The following CLVS1 variants were observed in gnomAD, a reference collection of about 807,000 sequenced individuals.
CLVS1 encodes the protein clavesin 1.
In CLVS1, 10 loss-of-function variants were observed where a neutral mutation model predicts 33.1. The observed-to-expected ratio is 0.30, with a 90% CI of 0.19 to 0.51. The LOEUF (loss-of-function observed/expected upper bound fraction) is 0.51. CLVS1 is among the 20% of genes least tolerant of loss of function. CLVS1 has a pLI of 0.97. For synonymous variants in CLVS1, 163 were observed against 166.1 expected, an observed-to-expected ratio of 0.98 and a Z score of 0.14; for missense variants, 343 against 433.4, an observed-to-expected ratio of 0.79 and a Z score of 1.85.
intron 3 of CLVS1, among the ~76,000 whole-genome samples, chr8:61,381,049 T>C (rs1992332): frequency 1.2e-4 from 18 of 151,916 alleles, no homozygotes; most frequent in Non-Finnish European, 2.5e-4. Context: ...TCCAGAAAGC[T>C]ATCTATTTTT....
At chr8:61,317,087 T>C (rs1213450577) in intron 2 of CLVS1, among the ~76,000 whole-genome samples, 2 of 152,204 alleles carry the variant, frequency 1.3e-5, no homozygotes, top group Admixed American at 6.5e-5. Flanking sequence ...TTCACTTGTG[T>C]GCTACTATAA....
At chr8:61,020,113 C>G in the CLVS1 span, among the ~76,000 whole-genome samples, 1 of 152,178 alleles carries the variant, frequency 6.6e-6, no homozygotes, top group Non-Finnish European at 1.5e-5. Flanking sequence ...AATGAAGGAC[C>G]ATAAATGGTG....
chr8:61,395,910 C>T (rs1263599217), intron 3 of CLVS1, among the ~76,000 whole-genome samples: 1 of 152,132 alleles, frequency 6.6e-6, no homozygotes, highest in East Asian at 1.9e-4. Context: ...TCAACCTGTG[C>T]TTTAAGACTA....
intron 2 of CLVS1, among the ~76,000 whole-genome samples, chr8:61,350,365 C>A: frequency 6.6e-6 from 1 of 152,176 alleles, no homozygotes. Context: ...CTTCAATTCT[C>A]TCTATCTCCC....
intron 3 of CLVS1, among the ~76,000 whole-genome samples, chr8:61,382,638 C>T (rs1048266598): frequency 9.9e-5 from 15 of 152,182 alleles, no homozygotes; most frequent in African/African-American, 3.6e-4. Context: ...CAACTTTAAG[C>T]ACCGCAGATG....
the CLVS1 span, among the ~76,000 whole-genome samples, chr8:61,051,825 C>A: frequency 4.6e-5 from 7 of 152,272 alleles, no homozygotes; most frequent in Non-Finnish European, 7.3e-5. Context: ...CCCCCAACTG[C>A]AGCTGCCAGG....
chr8:61,364,616 C>G (rs1813115500), intron 2 of CLVS1, among the ~76,000 whole-genome samples: 1 of 152,156 alleles, frequency 6.6e-6, no homozygotes, highest in African/African-American at 2.4e-5. Context: ...AAAGGATAAA[C>G]CAACTTTTAA....
At chr8:60,972,135 C>T in the CLVS1 span, among the ~76,000 whole-genome samples, 1 of 151,394 alleles carries the variant, frequency 6.6e-6, no homozygotes, top group Non-Finnish European at 1.5e-5. Flanking sequence ...AACTGTCTTT[C>T]TCTCTCTCTC....
At chr8:61,226,830 C>G (rs78148796) in intron 2 of CLVS1, among the ~76,000 whole-genome samples, 3,501 of 152,232 alleles carry the variant, frequency 0.023, 57 homozygotes, top group Non-Finnish European at 0.038. Flanking sequence ...CCAGCGAGGA[C>G]ATCGGAAGGC....
intron 2 of CLVS1, among the ~76,000 whole-genome samples, chr8:61,172,463 T>C (rs2129298788): frequency 6.6e-6 from 1 of 152,082 alleles, no homozygotes; most frequent in Non-Finnish European, 1.5e-5. Context: ...GGAGCAACAA[T>C]TTTGCAAAAT....
At chr8:61,302,881 GGAGA>G (rs1290250532) in intron 2 of CLVS1, among the ~76,000 whole-genome samples, 5 of 152,064 alleles carry the variant, frequency 3.3e-5, no homozygotes, top group Non-Finnish European at 4.4e-5. Flanking sequence ...TAGTGGAGCA[GGAGA>G]GAGAGAGTGA....
the CLVS1 span, among the ~76,000 whole-genome samples, chr8:61,004,571 C>T: frequency 6.6e-6 from 1 of 152,162 alleles, no homozygotes; most frequent in African/African-American, 2.4e-5. Context: ...CAAGAGAGAG[C>T]TGGAAAGAGA....
At chr8:61,245,536 T>TA (rs1219185078) in intron 2 of CLVS1, among the ~76,000 whole-genome samples, 3 of 152,056 alleles carry the variant, frequency 2.0e-5, no homozygotes, top group Non-Finnish European at 4.4e-5. Flanking sequence ...ACATTAAATC[T>TA]GACATCTTTT....
the CLVS1 span, among the ~76,000 whole-genome samples, chr8:60,988,089 C>T: frequency 6.6e-6 from 1 of 152,160 alleles, no homozygotes; most frequent in Non-Finnish European, 1.5e-5. Context: ...CTTCTGATTC[C>T]TGTTTGAGTG....
chr8:61,467,413 C>T (rs984373746), intron 5 of CLVS1, among the ~76,000 whole-genome samples: 2 of 152,178 alleles, frequency 1.3e-5, no homozygotes, highest in Admixed American at 6.5e-5. Context: ...GCATCTTTCC[C>T]GGTATTTCTT....
At chr8:61,327,950 C>T (rs1811444461) in intron 2 of CLVS1, among the ~76,000 whole-genome samples, 2 of 152,170 alleles carry the variant, frequency 1.3e-5, no homozygotes, top group African/African-American at 2.4e-5. Flanking sequence ...TAAAGACATG[C>T]ATTGTTTAAT....
At chr8:61,358,302 A>C (rs1812826955) in intron 2 of CLVS1, among the ~76,000 whole-genome samples, 1 of 152,224 alleles carries the variant, frequency 6.6e-6, no homozygotes, top group Admixed American at 6.5e-5. Flanking sequence ...AGCAAGTAAA[A>C]TCAACATATA....
intron 2 of CLVS1, among the ~76,000 whole-genome samples, chr8:61,348,430 T>C (rs1812316508): frequency 6.6e-6 from 1 of 151,962 alleles, no homozygotes; most frequent in Non-Finnish European, 1.5e-5. Flanking sequence ...TGTATACATA[T>C]GTAACAAACC....
chr8:61,230,097 G>A (rs1808402275), intron 2 of CLVS1, among the ~76,000 whole-genome samples: 1 of 152,172 alleles, frequency 6.6e-6, no homozygotes, highest in Admixed American at 6.5e-5. Context: ...GGTCGGGGAA[G>A]GAGTGTTAGA....
Sources: allele counts gnomAD v4.1 joint callset (sites outside exome capture counted in the v4.1 genomes callset), GRCh38; gene constraint gnomAD v4.1.1; transcripts MANE v1.5; gene names NCBI Gene and HGNC (gene_info 2026-07-23, HGNC 2026-07-21).